Variants in PCDH9 observed in about 807,000 individuals in gnomAD.
PCDH9 encodes protocadherin-9.
PCDH9 carries 24 observed loss-of-function variants against 70.6 expected under a neutral mutation model. That is an observed-to-expected ratio of 0.34 (90% CI 0.25 to 0.48). The LOEUF (loss-of-function observed/expected upper bound fraction) is 0.48, where lower values mean the gene tolerates loss of function less well. Among genes scored for constraint, PCDH9 ranks in the 20% least tolerant of loss-of-function variants. PCDH9 has a pLI of 0.99. For synonymous variants in PCDH9, 562 were observed against 558.5 expected, an observed-to-expected ratio of 1.01 and a Z score of -0.09; for missense variants, 1,281 against 1,503.6, an observed-to-expected ratio of 0.85 and a Z score of 2.45.
At chr13:66,788,018 G>A (rs370553931) in intron 3 of PCDH9, among the ~76,000 whole-genome samples, 26 of 152,194 alleles carry the variant, frequency 1.7e-4, no homozygotes, top group Admixed American at 9.2e-4. Flanking sequence ...CCTAGAGTTC[G>A]TGCAAATTTC....
chr13:66,777,611 C>T (rs1232606882), intron 3 of PCDH9, among the ~76,000 whole-genome samples: 1 of 152,012 alleles, frequency 6.6e-6, no homozygotes, highest in African/African-American at 2.4e-5. Context: ...GAATGGCAAT[C>T]ATTAAAAAGT....
chr13:67,128,554 A>G (rs186973391), intron 2 of PCDH9, among the ~76,000 whole-genome samples: 3 of 152,292 alleles, frequency 2.0e-5, no homozygotes, highest in Admixed American at 2.0e-4. Context: ...GGCTTTATTT[A>G]TTTAATTTAA....
intron 3 of PCDH9, among the ~76,000 whole-genome samples, chr13:66,759,784 AT>A (rs2079594869): frequency 1.2e-5 from 1 of 83,024 alleles, no homozygotes; most frequent in Non-Finnish European, 2.6e-5. Flanking sequence ...CTTTACATAT[AT>A]TTAAATTGCA....
chr13:66,570,099 C>A (rs1446280832), intron 4 of PCDH9, among the ~76,000 whole-genome samples: 1 of 152,104 alleles, frequency 6.6e-6, no homozygotes, highest in African/African-American at 2.4e-5. Flanking sequence ...ACTATTGATA[C>A]ATTCAACCAC....
At chr13:66,767,034 T>C (rs1435183259) in intron 3 of PCDH9, among the ~76,000 whole-genome samples, 2 of 152,162 alleles carry the variant, frequency 1.3e-5, no homozygotes, top group East Asian at 3.9e-4. Flanking sequence ...TTGATAAATA[T>C]ATAATGTTTA....
intron 2 of PCDH9, among the ~76,000 whole-genome samples, chr13:67,018,779 C>T (rs1047646295): frequency 6.6e-6 from 1 of 152,116 alleles, no homozygotes; most frequent in African/African-American, 2.4e-5. Context: ...AGTCTCTCTG[C>T]CTCTATTCTC....
intron 4 of PCDH9, among the ~76,000 whole-genome samples, chr13:66,330,399 G>A (rs1009368592): frequency 2.0e-5 from 3 of 152,156 alleles, no homozygotes; most frequent in African/African-American, 4.8e-5. Flanking sequence ...CATGTCCTGC[G>A]GCCAAATTCA....
chr13:66,977,994 C>T (rs2083656202), intron 2 of PCDH9, among the ~76,000 whole-genome samples: 1 of 152,110 alleles, frequency 6.6e-6, no homozygotes, highest in South Asian at 2.1e-4. Flanking sequence ...TTTTTTCATA[C>T]CTGTTGTATC....
chr13:66,724,208 T>C (rs1000396234), intron 3 of PCDH9, among the ~76,000 whole-genome samples: 7 of 152,228 alleles, frequency 4.6e-5, no homozygotes, highest in Non-Finnish European at 8.8e-5. Context: ...ACACAATTCA[T>C]TTGATTGTTG....
chr13:66,877,456 G>A (rs2081837071), intron 3 of PCDH9, among the ~76,000 whole-genome samples: 2 of 151,522 alleles, frequency 1.3e-5, no homozygotes, highest in African/African-American at 4.8e-5. Flanking sequence ...TAAATTCAAG[G>A]AGAATCCTGA....
At chr13:66,464,593 T>C (rs73207689) in intron 4 of PCDH9, among the ~76,000 whole-genome samples, 11,956 of 151,990 alleles carry the variant, frequency 0.079, 541 homozygotes, top group South Asian at 0.12. Flanking sequence ...GAAGGAAAAT[T>C]GCACAATTTA....
chr13:67,194,597 G>C (rs1421514784), intron 2 of PCDH9, among the ~76,000 whole-genome samples: 1 of 152,068 alleles, frequency 6.6e-6, no homozygotes, highest in Non-Finnish European at 1.5e-5. Flanking sequence ...GGATCATGTG[G>C]TATATTTTGC....
At chr13:66,446,487 A>G (rs1835937342) in intron 4 of PCDH9, among the ~76,000 whole-genome samples, 1 of 152,118 alleles carries the variant, frequency 6.6e-6, no homozygotes, top group South Asian at 2.1e-4. Flanking sequence ...CACCTCGAAG[A>G]AACTAGAATT....
intron 4 of PCDH9, among the ~76,000 whole-genome samples, chr13:66,468,841 T>C (rs1342749476): frequency 6.6e-6 from 1 of 152,146 alleles, no homozygotes; most frequent in Non-Finnish European, 1.5e-5. Context: ...TTCTTCTATA[T>C]ACTCCCTGAA....
At chr13:67,207,174 C>A (rs966145492) in intron 2 of PCDH9, 26 of 148,644 alleles carry the variant, frequency 1.7e-4, no homozygotes, top group African/African-American at 6.2e-4. Flanking sequence ...AATTAGACTT[C>A]GGTGATTTTT....
intron 4 of PCDH9, among the ~76,000 whole-genome samples, chr13:66,329,277 T>C (rs1955899687): frequency 6.6e-6 from 1 of 152,202 alleles, no homozygotes; most frequent in African/African-American, 2.4e-5. Flanking sequence ...TGGCAGACAC[T>C]GAATGCTTGA....
intron 2 of PCDH9, among the ~76,000 whole-genome samples, chr13:67,048,227 G>A (rs1193254592): frequency 6.6e-6 from 1 of 152,146 alleles, no homozygotes; most frequent in Non-Finnish European, 1.5e-5. Context: ...TATCCTAGTG[G>A]CTGAAAATGG....
At chr13:66,434,550 A>G (rs1957833130) in intron 4 of PCDH9, among the ~76,000 whole-genome samples, 1 of 152,014 alleles carries the variant, frequency 6.6e-6, no homozygotes, top group Non-Finnish European at 1.5e-5. Flanking sequence ...TTTGGCACAT[A>G]ATGGATGATC....
intron 4 of PCDH9, among the ~76,000 whole-genome samples, chr13:66,591,357 T>C (rs1192872517): frequency 1.3e-5 from 2 of 151,584 alleles, no homozygotes; most frequent in Non-Finnish European, 3.0e-5. Flanking sequence ...CAAATCTGGA[T>C]TTTTCTAATA....
Sources: gnomAD v4.1 joint callset for allele counts (sites outside exome capture counted in the v4.1 genomes callset) on GRCh38, gnomAD v4.1.1 for gene constraint, MANE v1.5 for transcripts, NCBI Gene and HGNC (gene_info 2026-07-23, HGNC 2026-07-21) for gene names.